CPED1: variants seen among roughly 807,000 people sequenced by gnomAD.
CPED1 encodes cadherin-like and PC-esterase domain-containing protein 1.
CPED1 carries 114 observed loss-of-function variants against 128.2 expected under a neutral mutation model. The ratio of observed to expected loss-of-function variants is 0.89; its 90% CI spans 0.76 to 1.04. The LOEUF is 1.04. Among genes scored for constraint, CPED1 ranks in the 50% least tolerant of loss-of-function variants. CPED1 has a pLI of 0.00. For synonymous variants in CPED1, 462 were observed against 426.7 expected, an observed-to-expected ratio of 1.08 and a Z score of -1.02; for missense variants, 1,211 against 1,207.1, an observed-to-expected ratio of 1.00 and a Z score of -0.05.
intron 4 of CPED1, among the ~76,000 whole-genome samples, chr7:121,047,225 A>C (rs1303229959): frequency 6.6e-6 from 1 of 152,190 alleles, no homozygotes; most frequent in African/African-American, 2.4e-5. Context: ...ACTTAGTAAG[A>C]CCCAACTTTA....
At chr7:121,127,021 T>C in intron 9 of CPED1, 69 bp from the exon 10 acceptor site, 1 of 1,168,306 alleles carries the variant, frequency 8.6e-7, no homozygotes, top group South Asian at 1.6e-5. Flanking sequence ...AATCATGTCT[T>C]AGAAGTAATT....
At chr7:121,087,321 A>C (rs1794449248) in intron 5 of CPED1, among the ~76,000 whole-genome samples, 1 of 152,138 alleles carries the variant, frequency 6.6e-6, no homozygotes, top group African/African-American at 2.4e-5. Flanking sequence ...CCTGCCCAAC[A>C]TCTCTCTTCA....
chr7:121,225,564 G>T (rs1195010614), intron 16 of CPED1, among the ~76,000 whole-genome samples: 1 of 152,244 alleles, frequency 6.6e-6, no homozygotes, highest in South Asian at 2.1e-4. Flanking sequence ...ATAATATCCT[G>T]AAGAGTGTTT....
intron 5 of CPED1, among the ~76,000 whole-genome samples, chr7:121,068,401 G>A (rs1793904197): frequency 6.6e-6 from 1 of 151,882 alleles, no homozygotes. Flanking sequence ...TTTTTGTCAG[G>A]TTTGTCAAAG....
intron 5 of CPED1, among the ~76,000 whole-genome samples, chr7:121,083,394 T>C (rs1004395884): frequency 9.2e-5 from 14 of 152,178 alleles, no homozygotes; most frequent in Admixed American, 7.9e-4. Context: ...TTTTTGAAGC[T>C]GTCCTTCTGG....
At chr7:121,098,759 T>C (rs1012031557) in intron 6 of CPED1, among the ~76,000 whole-genome samples, 1 of 37,136 alleles carries the variant, frequency 2.7e-5, no homozygotes. Context: ...TATATAAAAA[T>C]ATATATAAAT....
intron 16 of CPED1, among the ~76,000 whole-genome samples, chr7:121,179,530 C>A (rs985702954): frequency 3.6e-4 from 54 of 152,078 alleles, no homozygotes; most frequent in African/African-American, 1.3e-3. Flanking sequence ...TTCTTCTAAG[C>A]AGAAACAGAA....
In CPED1 at chr7:121,019,849, G is replaced by A. The variant is rs530330911; in HGVS notation, c.433+4001G>A. Among the ~76,000 whole-genome samples, 3 of 151,996 alleles carry A rather than the reference G, an allele frequency of 2.0e-5. No homozygotes were observed. In the East Asian group the frequency reaches 5.8e-4, roughly 29 times the overall value. The stretch of plus-strand genomic sequence containing the variant: ...TCCTTCTCTAAAGGAAAAGATAGAA[G>A]CACCATTCAATTATTTTGTTTCCTA... On this transcript the variant is annotated intron_variant, in intron 3 of 22. Coordinates refer to ENST00000310396, the MANE Select transcript of CPED1 (RefSeq NM_024913.5).
At chr7:121,023,011 A>G (rs1792483075) in intron 3 of CPED1, among the ~76,000 whole-genome samples, 1 of 151,700 alleles carries the variant, frequency 6.6e-6, no homozygotes, top group African/African-American at 2.4e-5. Context: ...TAGGATAGTA[A>G]GTGGCCAAAA....
intron 7 of CPED1, among the ~76,000 whole-genome samples, chr7:121,119,968 A>G (rs1384522534): frequency 6.6e-6 from 1 of 152,202 alleles, no homozygotes; most frequent in East Asian, 1.9e-4. Flanking sequence ...AGGGTCATTC[A>G]TGTTGTAGCA....
At chr7:121,084,153 C>T (rs1232561531) in intron 5 of CPED1, among the ~76,000 whole-genome samples, 2 of 152,078 alleles carry the variant, frequency 1.3e-5, no homozygotes, top group Non-Finnish European at 2.9e-5. Context: ...CCCTAATATC[C>T]TGTTACTAAC....
At chr7:121,200,582 G>A (rs1215006856) in intron 16 of CPED1, among the ~76,000 whole-genome samples, 1 of 152,086 alleles carries the variant, frequency 6.6e-6, no homozygotes, top group Admixed American at 6.5e-5. Context: ...TCTCAAGTGT[G>A]TACAGCAGAA....
chr7:121,036,942 T>C (rs1235029199), intron 3 of CPED1, among the ~76,000 whole-genome samples: 1 of 152,210 alleles, frequency 6.6e-6, no homozygotes, highest in Non-Finnish European at 1.5e-5. Flanking sequence ...TACCTTCTTT[T>C]GAGAATTGTC....
intron 5 of CPED1, among the ~76,000 whole-genome samples, chr7:121,073,256 C>A (rs910013283): frequency 6.6e-6 from 1 of 152,042 alleles, no homozygotes; most frequent in Non-Finnish European, 1.5e-5. Context: ...AATACATTCA[C>A]TGTTTATTAA....
At chr7:121,227,279 A>C (rs771907083) in intron 16 of CPED1, among the ~76,000 whole-genome samples, 2 of 151,732 alleles carry the variant, frequency 1.3e-5, no homozygotes, top group Non-Finnish European at 2.9e-5. Context: ...CCTTCCATTG[A>C]TCCTATATAC....
chr7:121,261,525 G>A (rs1792016302), intron 18 of CPED1: 2 of 1,464,558 alleles, frequency 1.4e-6, no homozygotes, highest in East Asian at 2.5e-5. Context: ...TTAGGTATTT[G>A]GCCATGAGAC....
At chr7:121,136,118 G>A in intron 14 of CPED1, 28 bp downstream of exon 14, 1 of 1,534,686 alleles carries the variant, frequency 6.5e-7, no homozygotes, top group Non-Finnish European at 8.7e-7. Flanking sequence ...TGTTGTAGCA[G>A]CATAATAAAC....
At chr7:121,090,012 G>C (rs1026361396) in intron 5 of CPED1, among the ~76,000 whole-genome samples, 1 of 152,196 alleles carries the variant, frequency 6.6e-6, no homozygotes, top group African/African-American at 2.4e-5. Context: ...TAGTAGTCTA[G>C]ATACAGCTTT....
chr7:121,263,954 C>T (rs952438219), intron 18 of CPED1, among the ~76,000 whole-genome samples: 15 of 152,024 alleles, frequency 9.9e-5, no homozygotes, highest in African/African-American at 3.6e-4. Flanking sequence ...ATTCTAACCC[C>T]CAGTACCTCA....
Sources: gnomAD v4.1 joint callset for allele counts (sites outside exome capture counted in the v4.1 genomes callset) on GRCh38, gnomAD v4.1.1 for gene constraint, MANE v1.5 for transcripts, NCBI Gene and HGNC (gene_info 2026-07-23, HGNC 2026-07-21) for gene names.